PTPDC1: variants seen among roughly 807,000 people sequenced by gnomAD.
PTPDC1 encodes protein tyrosine phosphatase domain containing 1.
In PTPDC1, 53 loss-of-function variants were observed where a neutral mutation model predicts 75.3. The observed-to-expected ratio is 0.70, with a 90% CI of 0.56 to 0.88. The LOEUF (loss-of-function observed/expected upper bound fraction) is 0.88. Among genes scored for constraint, PTPDC1 ranks in the 40% least tolerant of loss-of-function variants. The pLI is 0.00. For missense variants in PTPDC1, 925 were observed against 998.6 expected (o/e 0.93, Z 0.99); for synonymous variants, 349 against 366.2 (o/e 0.95, Z 0.54).
chr9:94,076,192 G>T (rs887323627), intron 2 of PTPDC1, among the ~76,000 whole-genome samples: 1 of 152,116 alleles, frequency 6.6e-6, no homozygotes, highest in Non-Finnish European at 1.5e-5. Flanking sequence ...TGGAGACAGG[G>T]TTTCACCATG....
intron 1 of PTPDC1, among the ~76,000 whole-genome samples, chr9:94,031,692 C>A (rs1372717623): frequency 1.3e-5 from 2 of 151,860 alleles, no homozygotes; most frequent in Non-Finnish European, 2.9e-5. Flanking sequence ...CAAAGAGCCT[C>A]AAAACAAGCA....
At chr9:94,094,432 G>C (rs542415656) in intron 4 of PTPDC1, among the ~76,000 whole-genome samples, 1 of 152,168 alleles carries the variant, frequency 6.6e-6, no homozygotes, top group Non-Finnish European at 1.5e-5. Context: ...CAGTCTGCCC[G>C]TTCTCAGATT....
chr9:94,072,848 C>A (rs1169796490), intron 2 of PTPDC1, among the ~76,000 whole-genome samples: 3 of 152,050 alleles, frequency 2.0e-5, no homozygotes, highest in African/African-American at 7.2e-5. Context: ...AATGTTAAAC[C>A]AGCCTGTACC....
At position 94,098,113 on chromosome 9, in the gene PTPDC1, G is replaced by A. The variant is rs1383915415; in HGVS notation, c.1547G>A (p.Gly516Glu). ...TCTTTCTGGAGTCAGTCAAAGTTTG[G>A]AGGCCTGGAAGGACTCAAAGATAAT... The part of the protein sequence containing the change: ...TLSFWSQSKF[G>E]GLEGLKDNGS... The change falls in exon 6 of 9, where the codon GGA becomes GAA. Residue 516 changes from glycine to glutamate, a missense_variant. Coordinates refer to ENST00000620992, the MANE Select transcript of PTPDC1 (RefSeq NM_001253829.2). 1.9e-6 allele frequency: 3 copies of A among 1,614,162 alleles called. No homozygotes were observed. Among genetic ancestry groups the A allele is most frequent in the Non-Finnish European group, 1.7e-6 (2 of 1,180,032 alleles).
At chr9:94,064,630 C>A in intron 1 of PTPDC1, 1 of 701,962 alleles carries the variant, frequency 1.4e-6, no homozygotes, top group Non-Finnish European at 2.4e-6. Flanking sequence ...TGCCACTTGG[C>A]CAGTGACTGC....
intron 2 of PTPDC1, among the ~76,000 whole-genome samples, chr9:94,077,219 C>A (rs148401959): frequency 6.6e-6 from 1 of 152,208 alleles, no homozygotes; most frequent in Non-Finnish European, 1.5e-5. Flanking sequence ...GCTACACTCT[C>A]ATAACATGTT....
chr9:94,047,049 G>A (rs1458585552), intron 1 of PTPDC1, among the ~76,000 whole-genome samples: 4 of 152,120 alleles, frequency 2.6e-5, no homozygotes, highest in East Asian at 1.9e-4. Context: ...AGAGTTTTTA[G>A]CATGAAGGTT....
intron 5 of PTPDC1, 127 bp from the exon 6 acceptor site, chr9:94,097,194 T>TA: frequency 1.4e-6 from 1 of 690,602 alleles, no homozygotes; most frequent in Non-Finnish European, 2.4e-6. Flanking sequence ...TAATTGTCCT[T>TA]AAAATGTGTC....
At chr9:94,085,897 T>C (rs372626182) in intron 2 of PTPDC1, among the ~76,000 whole-genome samples, 2 of 152,220 alleles carry the variant, frequency 1.3e-5, no homozygotes, top group South Asian at 4.1e-4. Context: ...GTACAAGTTG[T>C]CAGCTCAGTA....
chr9:94,093,416 A>G (rs1392583160), intron 4 of PTPDC1, among the ~76,000 whole-genome samples: 1 of 144,786 alleles, frequency 6.9e-6, no homozygotes, highest in Non-Finnish European at 1.5e-5. Flanking sequence ...ATTGGCCCCC[A>G]CTCTCTTCTG....
At chr9:94,035,634 A>G (rs1825241022) in intron 1 of PTPDC1, among the ~76,000 whole-genome samples, 1 of 152,228 alleles carries the variant, frequency 6.6e-6, no homozygotes, top group Non-Finnish European at 1.5e-5. Flanking sequence ...TACTGCTACA[A>G]TAAACGTGGG....
intron 1 of PTPDC1, among the ~76,000 whole-genome samples, chr9:94,062,308 C>T (rs1320389093): frequency 1.3e-5 from 2 of 152,250 alleles, no homozygotes; most frequent in African/African-American, 4.8e-5. Context: ...CTTTCCATAT[C>T]ACTATCAGCA....
At chr9:94,103,646 T>C (rs1007029229) in intron 7 of PTPDC1, among the ~76,000 whole-genome samples, 6 of 152,236 alleles carry the variant, frequency 3.9e-5, no homozygotes, top group African/African-American at 1.4e-4. Flanking sequence ...TATGGGTCCC[T>C]GTACATTACA....
chr9:94,096,481 G>A (rs1827571858), intron 5 of PTPDC1, among the ~76,000 whole-genome samples: 1 of 152,090 alleles, frequency 6.6e-6, no homozygotes, highest in African/African-American at 2.4e-5. Context: ...CACAAACTTG[G>A]GGATCACACA....
intron 1 of PTPDC1, among the ~76,000 whole-genome samples, chr9:94,057,965 TAATAA>T (rs2118479632): frequency 6.6e-6 from 1 of 152,272 alleles, no homozygotes; most frequent in East Asian, 1.9e-4. Flanking sequence ...ACAACATATA[TAATAA>T]AATATCTTTT....
chr9:94,057,442 T>G (rs1053594329), intron 1 of PTPDC1, among the ~76,000 whole-genome samples: 1 of 136,614 alleles, frequency 7.3e-6, no homozygotes, highest in Admixed American at 7.9e-5. Flanking sequence ...TTACAAATTC[T>G]TATAAAGATG....
intron 8 of PTPDC1, among the ~76,000 whole-genome samples, chr9:94,106,319 G>C (rs1166315552): frequency 6.6e-6 from 1 of 152,164 alleles, no homozygotes; most frequent in Non-Finnish European, 1.5e-5. Context: ...GGAGAGCTCT[G>C]CCTGGAGAGC....
intron 1 of PTPDC1, chr9:94,064,686 A>G: frequency 7.2e-7 from 1 of 1,390,838 alleles, no homozygotes; most frequent in Non-Finnish European, 1.0e-6. Flanking sequence ...TGATTAATAA[A>G]TGACTGTCCC....
At chr9:94,051,857 ATTTTTTCT>A in intron 1 of PTPDC1, among the ~76,000 whole-genome samples, 1 of 151,556 alleles carries the variant, frequency 6.6e-6, no homozygotes, top group African/African-American at 2.4e-5. Context: ...TTCACTTTTT[ATTTTTTCT>A]TGGTTAGTGG....
Sources: allele counts gnomAD v4.1 joint callset (sites outside exome capture counted in the v4.1 genomes callset), GRCh38; gene constraint gnomAD v4.1.1; transcripts MANE v1.5; gene names NCBI Gene and HGNC (gene_info 2026-07-23, HGNC 2026-07-21).